The following LRRC4C variants were observed in gnomAD, a reference collection of about 807,000 sequenced individuals.
LRRC4C encodes leucine-rich repeat-containing protein 4C.
Under a neutral mutation model 33.6 loss-of-function variants are expected in LRRC4C, and 5 were observed. The observed-to-expected ratio is 0.15, with a 90% CI of 0.08 to 0.31. LRRC4C has a LOEUF of 0.31. LRRC4C is among the 10% of genes least tolerant of loss of function. The pLI is 1.00. For synonymous variants in LRRC4C, 329 were observed against 302.0 expected, an observed-to-expected ratio of 1.09 and a Z score of -0.93; for missense variants, 560 against 796.7, an observed-to-expected ratio of 0.70 and a Z score of 3.58.
intron 1 of LRRC4C, among the ~76,000 whole-genome samples, chr11:41,402,242 A>G (rs1314333670): frequency 6.6e-6 from 1 of 152,034 alleles, no homozygotes; most frequent in Non-Finnish European, 1.5e-5. Flanking sequence ...GTCTTCAAAC[A>G]ATGATGAAAG....
intron 1 of LRRC4C, among the ~76,000 whole-genome samples, chr11:41,031,937 A>T (rs1161803717): frequency 6.6e-6 from 1 of 152,028 alleles, no homozygotes; most frequent in Non-Finnish European, 1.5e-5. Flanking sequence ...ACTTTGGTTA[A>T]AAAAGTACAC....
At chr11:40,441,110 T>C (rs1951374818) in intron 3 of LRRC4C, among the ~76,000 whole-genome samples, 1 of 152,166 alleles carries the variant, frequency 6.6e-6, no homozygotes, top group Non-Finnish European at 1.5e-5. Context: ...TTCTGTTGGG[T>C]TTGATGTCAG....
At chr11:40,645,016 G>A (rs1248046926) in intron 3 of LRRC4C, among the ~76,000 whole-genome samples, 2 of 151,788 alleles carry the variant, frequency 1.3e-5, no homozygotes, top group Non-Finnish European at 2.9e-5. Flanking sequence ...TAAAAATTCA[G>A]TCATCAGCAA....
rs77670722 is a variant in LRRC4C at position 40,872,115 on chromosome 11, C to A, written c.-407+61520G>T. Among the ~76,000 whole-genome samples the A allele has an allele frequency of 6.1e-3, 935 of 152,102 alleles. 12 individuals are homozygous for A. The highest frequency in any genetic ancestry group is 0.022 in the African/African-American group (903 of 41,498). The stretch of plus-strand genomic sequence containing the variant: ...TCCTGTGTGAAGGATGCCCTGGTGG[C>A]GAGATCTGACAACTAGGCATCGGGA... On this transcript the variant is annotated intron_variant, in intron 2 of 6. Transcript: ENST00000528697.
chr11:41,317,261 T>TA (rs397756603), intron 1 of LRRC4C, among the ~76,000 whole-genome samples: 52 of 151,750 alleles, frequency 3.4e-4, no homozygotes, highest in African/African-American at 1.1e-3. Flanking sequence ...TTTTTTTTTT[T>TA]AACCTTAAAA....
At chr11:40,364,294 A>T (rs966487348) in intron 3 of LRRC4C, among the ~76,000 whole-genome samples, 2 of 152,140 alleles carry the variant, frequency 1.3e-5, no homozygotes, top group South Asian at 4.1e-4. Flanking sequence ...ACCAAAAAAA[A>T]TTAGGTAAAT....
intron 3 of LRRC4C, among the ~76,000 whole-genome samples, chr11:40,427,448 A>T (rs796265027): frequency 7.9e-5 from 12 of 152,330 alleles, no homozygotes; most frequent in African/African-American, 2.4e-4. Context: ...TGGAGGTTGC[A>T]GTGAGCCAAG....
intron 1 of LRRC4C, among the ~76,000 whole-genome samples, chr11:41,023,310 G>C (rs965221712): frequency 2.0e-5 from 3 of 151,770 alleles, no homozygotes; most frequent in Non-Finnish European, 2.9e-5. Flanking sequence ...GTCATATGCA[G>C]TTGGTAGGAG....
At chr11:41,212,407 T>C (rs1231171746) in intron 1 of LRRC4C, among the ~76,000 whole-genome samples, 2 of 152,260 alleles carry the variant, frequency 1.3e-5, no homozygotes, top group African/African-American at 4.8e-5. Flanking sequence ...AAATTGCTTT[T>C]TGCTTCAACT....
intron 3 of LRRC4C, among the ~76,000 whole-genome samples, chr11:40,372,167 T>G (rs1033769910): frequency 3.3e-5 from 5 of 152,178 alleles, no homozygotes; most frequent in African/African-American, 1.2e-4. Flanking sequence ...GGAGATAGGC[T>G]GAAGTAATGC....
intron 3 of LRRC4C, among the ~76,000 whole-genome samples, chr11:40,346,665 A>C (rs1246418776): frequency 1.3e-5 from 2 of 152,194 alleles, no homozygotes; most frequent in Non-Finnish European, 2.9e-5. Flanking sequence ...AAGTTTACCT[A>C]TGTAACAAAC....
At chr11:40,828,809 T>A (rs1288698882) in intron 2 of LRRC4C, among the ~76,000 whole-genome samples, 2 of 151,884 alleles carry the variant, frequency 1.3e-5, no homozygotes, top group East Asian at 3.9e-4. Context: ...TGTTATTAAG[T>A]ATCTTAGAAT....
In LRRC4C at chr11:41,303,885, G is replaced by A. The variant is rs1950367882; in HGVS notation, c.-496+155546C>T. On this transcript the variant is annotated intron_variant, in intron 1 of 6. Transcript: ENST00000528697. ...CGTCTGAGAAGTGAGGAGCCCCTCC[G>A]CCCAGCAGCTGCCCGGTCTGAGAAG... 3.0e-5 allele frequency among the ~76,000 whole-genome samples: 2 copies of A among 66,836 alleles called. 1 individual carries two copies. The highest frequency in any genetic ancestry group is 6.4e-5 in the Non-Finnish European group (2 of 31,184). The allele number at this position is 66,836 out of a possible 152,430, so 43.8% of individuals were successfully genotyped here. A position where few individuals can be genotyped will look rare whatever the true frequency, so the allele number is the denominator to read the frequency against.
intron 2 of LRRC4C, among the ~76,000 whole-genome samples, chr11:40,919,453 A>C (rs1217676469): frequency 6.6e-6 from 1 of 152,152 alleles, no homozygotes; most frequent in Non-Finnish European, 1.5e-5. Flanking sequence ...CTTCAGGTTC[A>C]CTTTAAACGT....
rs369089442 is a variant in LRRC4C, at chr11:40,139,022, A to G, written c.-43+1779T>C. On this transcript the variant is annotated intron_variant, in intron 6 of 6. Transcript: ENST00000528697. ...TCCAGCTAATAACACAATTACACTTAAGTATTAGAGCCCATTTGAGTATTA... is the reference window on the plus strand; with the variant it reads ...TCCAGCTAATAACACAATTACACTTGAGTATTAGAGCCCATTTGAGTATTA... 5.5e-4 allele frequency among the ~76,000 whole-genome samples: 84 copies of G among 152,358 alleles called. 2 individuals are homozygous for G. The highest frequency in any genetic ancestry group is 1.8e-3 in the African/African-American group (76 of 41,584).
chr11:41,289,506 T>G (rs927473589), intron 1 of LRRC4C, among the ~76,000 whole-genome samples: 2 of 152,162 alleles, frequency 1.3e-5, no homozygotes, highest in East Asian at 3.9e-4. Flanking sequence ...TCTAATCTGA[T>G]AGGGCTGGAG....
chr11:41,186,838 G>C (rs1461054352), intron 1 of LRRC4C, among the ~76,000 whole-genome samples: 1 of 152,208 alleles, frequency 6.6e-6, no homozygotes, highest in African/African-American at 2.4e-5. Context: ...CGTGTGCCTT[G>C]TTTCCTAAGG....
intron 1 of LRRC4C, among the ~76,000 whole-genome samples, chr11:40,949,864 C>G (rs926033678): frequency 6.6e-6 from 1 of 151,956 alleles, no homozygotes; most frequent in Admixed American, 6.6e-5. Flanking sequence ...TCACACATAA[C>G]AATATTAACT....
chr11:41,316,360 CT>C (rs1950798241), intron 1 of LRRC4C, among the ~76,000 whole-genome samples: 1 of 151,686 alleles, frequency 6.6e-6, no homozygotes, highest in South Asian at 2.1e-4. Flanking sequence ...GAAGCCTACC[CT>C]ATCTTTGGAC....
Sources: allele counts gnomAD v4.1 joint callset (sites outside exome capture counted in the v4.1 genomes callset), GRCh38; gene constraint gnomAD v4.1.1; transcripts MANE v1.5; gene names NCBI Gene and HGNC (gene_info 2026-07-23, HGNC 2026-07-21).